Variants in STX19 observed in about 807,000 individuals in gnomAD.
STX19 encodes syntaxin-19.
A neutral mutation model predicts 24.3 loss-of-function variants in STX19; 26 were observed. That is an observed-to-expected ratio of 1.07 (90% CI 0.78 to 1.48). STX19 has a LOEUF of 1.48. Ranked by LOEUF, STX19 falls within the 40% of genes most tolerant of loss-of-function variation. The probability of loss-of-function intolerance (pLI) is 0.00; values close to 1 mark genes in which losing one functional copy is unlikely to be tolerated. For missense variants in STX19, 367 were observed against 331.9 expected (o/e 1.11, Z -0.82); for synonymous variants, 116 against 106.9 (o/e 1.09, Z -0.52).
rs781086598 is a variant in STX19, at chr3:94,014,502, A to G, written c.768T>C (p.Ser256=). The G allele has an allele frequency of 1.2e-6, 2 of 1,611,710 alleles. No homozygotes were observed. The highest frequency in any genetic ancestry group is 1.7e-5 in the Admixed American group (1 of 59,616). ...TAGTATTGTTAACATACTCTTTTGT[A>G]CTATTCACTGTCATTTCAATATTGT... ...SINNIEMTVN[S]TKEYVNNTKE... Residue 256 remains serine, a synonymous_variant, in exon 2 of 2, where the codon AGT becomes AGC. Coordinates refer to ENST00000315099, the MANE Select transcript of STX19 (RefSeq NM_001001850.3).
At chr3:94,020,534 A>G (rs889734513) in intron 1 of STX19, among the ~76,000 whole-genome samples, 2 of 152,198 alleles carry the variant, frequency 1.3e-5, no homozygotes, top group Non-Finnish European at 2.9e-5. Flanking sequence ...TAGATCATTT[A>G]GGGTGAGTTC....
chr3:94,016,507 A>G (rs1002819879), intron 1 of STX19, among the ~76,000 whole-genome samples: 1 of 152,222 alleles, frequency 6.6e-6, no homozygotes, highest in East Asian at 1.9e-4. Context: ...TACTAAAAAT[A>G]ACAAAAATAT....
chr3:94,027,955 ATG>A (rs1377476210), intron 1 of STX19, among the ~76,000 whole-genome samples: 1 of 152,142 alleles, frequency 6.6e-6, no homozygotes, highest in Non-Finnish European at 1.5e-5. Flanking sequence ...GGTTATACGT[ATG>A]TGTCAAATTT....
At chr3:94,027,297 T>TA (rs1172169929) in intron 1 of STX19, among the ~76,000 whole-genome samples, 6 of 151,368 alleles carry the variant, frequency 4.0e-5, no homozygotes, top group Admixed American at 6.6e-5. Flanking sequence ...TTCTAAAAAC[T>TA]AAAAAAAAAT....
At position 94,015,191 on chromosome 3, in the gene STX19, C is replaced by T. The variant is rs200622294; in HGVS notation, c.79G>A (p.Glu27Lys). The stretch of plus-strand genomic sequence containing the variant: ...AGAAACACCCCTTGTTCCTCTGTTT[C>T]TGTAGTTGATACATGACTGTCTCTA... ...LSRDSHVSTTETEEQGVFLQQ... is the reference protein window; with the variant it reads ...LSRDSHVSTTKTEEQGVFLQQ... Residue 27 changes from glutamate to lysine, a missense_variant, in exon 2 of 2, where the codon GAA (glutamate) becomes AAA (lysine). Coordinates refer to ENST00000315099, the MANE Select transcript of STX19 (RefSeq NM_001001850.3). 1.9e-6 allele frequency: 3 copies of T among 1,613,452 alleles called. No individual in the cohort carries two copies. The highest frequency in any genetic ancestry group is 3.3e-5 in the Admixed American group (2 of 59,932).
intron 1 of STX19, among the ~76,000 whole-genome samples, chr3:94,019,794 C>A (rs1486889349): frequency 6.6e-6 from 1 of 152,198 alleles, no homozygotes; most frequent in African/African-American, 2.4e-5. Context: ...GCTTCAGTCT[C>A]ACTGTCCTTG....
chr3:94,020,723 C>T lies in STX19; in HGVS notation c.-13-5441G>A, dbSNP rs533153656. Among the ~76,000 whole-genome samples the T allele has an allele frequency of 2.6e-5, 4 of 152,182 alleles. No homozygotes were observed. The South Asian group carries it at 6.2e-4, about 24-fold the overall frequency. On this transcript the variant is annotated intron_variant, in intron 1 of 1. Coordinates refer to ENST00000315099, the MANE Select transcript of STX19 (RefSeq NM_001001850.3). ...CTATATTGCTGAGCATTTTAAGTAC[C>T]GGTGGGAAACATTTAAGAGCAAGTT...
intron 1 of STX19, among the ~76,000 whole-genome samples, chr3:94,023,853 G>A (rs1053855145): frequency 1.3e-5 from 2 of 152,040 alleles, no homozygotes; most frequent in Non-Finnish European, 2.9e-5. Flanking sequence ...AGATAATATA[G>A]CATATAGGAT....
Position 94,023,212 on chromosome 3 carries a change from A to T in STX19, c.-14+5155T>A, listed in dbSNP as rs958103872. 2.0e-5 allele frequency among the ~76,000 whole-genome samples: 3 copies of T among 152,236 alleles called. No individual in the cohort carries two copies. In the East Asian group the frequency reaches 5.8e-4, roughly 29 times the overall value. On this transcript the variant is annotated intron_variant, in intron 1 of 1. Coordinates refer to ENST00000315099, the MANE Select transcript of STX19 (RefSeq NM_001001850.3). ...TACTTGAATACTATATTTTCTGTGG[A>T]TATAAGTTTCAGTTGGAAATTATAT...
At position 94,015,046 on chromosome 3, in the gene STX19, T is replaced by C. The variant is rs1461330327; in HGVS notation, c.224A>G (p.Gln75Arg). ...ADNVQKFGQQ[Q>R]KSLVASMRRF... ...TCTCATTGAAGCCACCAGACTTTTCTGTTGCTGCCCAAATTTTTGAACATT... is the reference window on the plus strand; with the variant it reads ...TCTCATTGAAGCCACCAGACTTTTCCGTTGCTGCCCAAATTTTTGAACATT... The change falls in exon 2 of 2, where the codon CAG becomes CGG. Residue 75 changes from glutamine (Q) to arginine (R), a missense_variant. Coordinates refer to ENST00000315099, the MANE Select transcript of STX19 (RefSeq NM_001001850.3). 1.9e-6 allele frequency: 3 copies of C among 1,613,950 alleles called. No individual in the cohort carries two copies. The highest frequency in any genetic ancestry group is 2.5e-6 in the Non-Finnish European group (3 of 1,179,964).
intron 1 of STX19, among the ~76,000 whole-genome samples, chr3:94,022,204 A>C (rs559877309): frequency 1.3e-5 from 2 of 151,662 alleles, no homozygotes; most frequent in Non-Finnish European, 2.9e-5. Flanking sequence ...GTTCACTGCA[A>C]CCTCCTCCTC....
Position 94,014,898 on chromosome 3 carries a change from A to G in STX19, c.372T>C (p.Gly124=). 1.9e-6 allele frequency: 3 copies of G among 1,613,470 alleles called. No homozygotes were observed. Among genetic ancestry groups the G allele is most frequent in the East Asian group, 4.5e-5 (2 of 44,878 alleles). ...GTATCCTTGTGACCACTGAAGATGG[A>G]CCATTTTCAACCTCTGACTTTTTAA... ...KEVKKSEVEN[G]PSSVVTRILK... is the part of the protein sequence containing the mutation. Residue 124 remains glycine (G), a synonymous_variant, in exon 2 of 2, where the codon GGT becomes GGC. Transcript: ENST00000315099.
chr3:94,022,309 A>G (rs983277448), intron 1 of STX19, among the ~76,000 whole-genome samples: 4 of 152,016 alleles, frequency 2.6e-5, no homozygotes, highest in Admixed American at 6.6e-5. Context: ...TATTTTTAAT[A>G]GAGATGGGGT....
At chr3:94,015,688 A>G (rs2076318722) in intron 1 of STX19, among the ~76,000 whole-genome samples, 1 of 152,188 alleles carries the variant, frequency 6.6e-6, no homozygotes, top group Non-Finnish European at 1.5e-5. Context: ...AATTTGGCCA[A>G]TGTAATATTA....
chr3:94,024,962 A>G (rs540672620), intron 1 of STX19, among the ~76,000 whole-genome samples: 159 of 152,316 alleles, frequency 1.0e-3, no homozygotes, highest in African/African-American at 3.8e-3. Context: ...AATTTTTAAG[A>G]AATAGACTAT....
chr3:94,016,911 C>T (rs1215246346), intron 1 of STX19, among the ~76,000 whole-genome samples: 1 of 152,156 alleles, frequency 6.6e-6, no homozygotes, highest in Non-Finnish European at 1.5e-5. Flanking sequence ...TCCCAAAGTG[C>T]TGGGATTACA....
At chr3:94,021,027 A>G (rs933044591) in intron 1 of STX19, among the ~76,000 whole-genome samples, 4 of 152,020 alleles carry the variant, frequency 2.6e-5, no homozygotes, top group Admixed American at 6.6e-5. Context: ...TAGTGTTTCT[A>G]TAAGATCCAA....
intron 1 of STX19, among the ~76,000 whole-genome samples, chr3:94,018,124 C>T (rs1054100213): frequency 6.6e-6 from 1 of 152,128 alleles, no homozygotes; most frequent in African/African-American, 2.4e-5. Context: ...TCTTGAACTC[C>T]TGGGCTCAAG....
chr3:94,019,726 T>A (rs2076409543), intron 1 of STX19, among the ~76,000 whole-genome samples: 1 of 152,182 alleles, frequency 6.6e-6, no homozygotes, highest in Non-Finnish European at 1.5e-5. Context: ...AGCTCCACAA[T>A]GACTTCACCC....
Sources: allele counts gnomAD v4.1 joint callset (sites outside exome capture counted in the v4.1 genomes callset), GRCh38; gene constraint gnomAD v4.1.1; transcripts MANE v1.5; gene names NCBI Gene and HGNC (gene_info 2026-07-23, HGNC 2026-07-21).